Variants in ENOX1 observed in about 807,000 individuals in gnomAD.
ENOX1 encodes the protein ecto-NOX disulfide-thiol exchanger 1.
In ENOX1, 42 loss-of-function variants were observed where a neutral mutation model predicts 82.5. The ratio of observed to expected loss-of-function variants is 0.51; its 90% CI spans 0.40 to 0.66. The LOEUF (loss-of-function observed/expected upper bound fraction) is 0.66. Ranked by LOEUF, ENOX1 falls within the 30% of genes least tolerant of loss-of-function variation. The probability of loss-of-function intolerance (pLI) is 0.00; values close to 1 mark genes in which losing one functional copy is unlikely to be tolerated. For missense variants in ENOX1, 608 were observed against 811.6 expected, an observed-to-expected ratio of 0.75 and a Z score of 3.05; for synonymous variants, 271 against 282.2, an observed-to-expected ratio of 0.96 and a Z score of 0.40.
chr13:43,456,381 A>G (rs2057230478), intron 3 of ENOX1, among the ~76,000 whole-genome samples: 6 of 152,114 alleles, frequency 3.9e-5, no homozygotes. Flanking sequence ...CAAACGATTC[A>G]TTTATATTTA....
intron 14 of ENOX1, among the ~76,000 whole-genome samples, chr13:43,239,947 T>C (rs931755895): frequency 6.6e-6 from 1 of 152,218 alleles, no homozygotes; most frequent in Non-Finnish European, 1.5e-5. Context: ...TTGAACAAGA[T>C]AAGGACAATT....
intron 14 of ENOX1, among the ~76,000 whole-genome samples, chr13:43,253,094 A>G (rs2043548549): frequency 6.6e-6 from 1 of 152,164 alleles, no homozygotes; most frequent in Non-Finnish European, 1.5e-5. Context: ...CATTTCATTA[A>G]GTGTGGATAT....
chr13:43,411,919 A>G lies in ENOX1; in HGVS notation c.205T>C (p.Ser69Pro). Residue 69 changes from serine to proline, a missense_variant, in exon 5 of 17, where the codon TCT becomes CCT. Physicochemically the swap from Ser to Pro is moderately conservative, Grantham distance 74. Transcript: ENST00000690772. ...PVGLPGQQLV[S>P]DSICVPGFDP... is the part of the protein sequence containing the mutation. The stretch of plus-strand genomic sequence containing the variant: ...CTGAAACCAGGAGAAAGCTTACCAG[A>G]CACGAGCTGCTGTCCAGGCAACCCT... 1.2e-6 allele frequency: 2 copies of G among 1,614,168 alleles called. No individual in the cohort carries two copies. Among genetic ancestry groups the G allele is most frequent in the East Asian group, 4.5e-5 (2 of 44,878 alleles).
At chr13:43,522,922 A>G (rs2077833021) in intron 2 of ENOX1, among the ~76,000 whole-genome samples, 1 of 152,198 alleles carries the variant, frequency 6.6e-6, no homozygotes. Context: ...AAAATCCTCA[A>G]TGTGGAAAGT....
chr13:43,434,670 T>C (rs889567259), intron 3 of ENOX1, among the ~76,000 whole-genome samples: 1 of 152,170 alleles, frequency 6.6e-6, no homozygotes, highest in Non-Finnish European at 1.5e-5. Context: ...TAAAAAATGG[T>C]CAAATATTGG....
intron 2 of ENOX1, among the ~76,000 whole-genome samples, chr13:43,487,171 C>CAA (rs79661442): frequency 8.4e-5 from 8 of 95,234 alleles, no homozygotes; most frequent in East Asian, 3.2e-4. Context: ...GACTCTGTCT[C>CAA]AAAAAAAAAA....
Position 43,244,074 on chromosome 13 carries a change from TAAGC to T in ENOX1, c.1612-7340_1612-7337del, listed in dbSNP as rs549450553. On this transcript the variant is annotated intron_variant, in intron 14 of 16. Transcript: ENST00000690772. ...GCCTTCTTTAGACAGTAATCACATC[TAAGC>T]AAGTGAGGCAGAATGGCCGAATGGA... is the stretch of plus-strand genomic sequence containing the variant. Among the ~76,000 whole-genome samples the T allele has an allele frequency of 4.4e-4, 67 of 151,522 alleles. 1 individual carries two copies. Among genetic ancestry groups the T allele is most frequent in the African/African-American group, 1.6e-3 (65 of 41,248 alleles).
chr13:43,410,521 C>G (rs2054058896), intron 5 of ENOX1, among the ~76,000 whole-genome samples: 3 of 151,828 alleles, frequency 2.0e-5, no homozygotes, highest in Non-Finnish European at 4.4e-5. Context: ...TTGTCTCCTA[C>G]TTTCCCTGGT....
Position 43,382,206 on chromosome 13 carries a change from A to T in ENOX1, c.209-20754T>A, listed in dbSNP as rs2052095341. On this transcript the variant is annotated intron_variant, in intron 5 of 16. Transcript: ENST00000690772. ...GATACAAGGTTGGTTTAACATTAAAAAGTAATTCACGTAATTTACCAAAGT... is the reference window on the plus strand; with the variant it reads ...GATACAAGGTTGGTTTAACATTAAATAGTAATTCACGTAATTTACCAAAGT... Among the ~76,000 whole-genome samples, 3 of 152,214 alleles carry T rather than the reference A, an allele frequency of 2.0e-5. No individual in the cohort carries two copies. The South Asian group carries it at 6.2e-4, about 32-fold the overall frequency.
intron 5 of ENOX1, among the ~76,000 whole-genome samples, chr13:43,407,898 A>C (rs2053895947): frequency 6.6e-6 from 1 of 152,260 alleles, no homozygotes; most frequent in Non-Finnish European, 1.5e-5. Context: ...AAACCAAAAC[A>C]AAGTATGGGG....
chr13:43,401,137 T>C lies in ENOX1; in HGVS notation c.208+10779A>G, dbSNP rs188086725. Among the ~76,000 whole-genome samples the C allele has an allele frequency of 1.4e-4, 21 of 152,366 alleles. No individual in the cohort carries two copies. In the East Asian group the frequency reaches 3.9e-3, roughly 28 times the overall value. On this transcript the variant is annotated intron_variant, in intron 5 of 16. Coordinates refer to ENST00000690772, the MANE Select transcript of ENOX1 (RefSeq NM_001347969.2). Reference sequence around the variant, plus strand: ...TTATAGGTTTTATTATTATTCTTTTTAGTGTTCCTAGTAAAGTCACTCATA... The same window carrying C: ...TTATAGGTTTTATTATTATTCTTTTCAGTGTTCCTAGTAAAGTCACTCATA...
intron 3 of ENOX1, among the ~76,000 whole-genome samples, chr13:43,432,583 C>T (rs988009995): frequency 1.3e-5 from 2 of 152,094 alleles, no homozygotes; most frequent in African/African-American, 4.8e-5. Flanking sequence ...GCAGAGGTTG[C>T]AGTGAGCTGA....
intron 14 of ENOX1, among the ~76,000 whole-genome samples, chr13:43,261,580 G>C (rs2044061417): frequency 6.6e-6 from 1 of 151,836 alleles, no homozygotes; most frequent in Non-Finnish European, 1.5e-5. Context: ...CTTTGACTTG[G>C]AACCAACCCA....
intron 2 of ENOX1, among the ~76,000 whole-genome samples, chr13:43,494,428 A>G (rs2076725434): frequency 6.6e-6 from 1 of 152,202 alleles, no homozygotes; most frequent in Admixed American, 6.5e-5. Flanking sequence ...CATTCTTGTT[A>G]AACAAATGAG....
intron 1 of ENOX1, among the ~76,000 whole-genome samples, chr13:43,698,985 G>C (rs2086779391): frequency 6.6e-6 from 1 of 152,232 alleles, no homozygotes; most frequent in African/African-American, 2.4e-5. Flanking sequence ...ATTTCAGACA[G>C]AGAAGCAAAG....
At chr13:43,595,133 C>A (rs560161672) in intron 2 of ENOX1, among the ~76,000 whole-genome samples, 1 of 147,832 alleles carries the variant, frequency 6.8e-6, no homozygotes, top group South Asian at 2.2e-4. Flanking sequence ...GGAGGGAAAG[C>A]GGCATACCTA....
chr13:43,335,212 A>G (rs1001498191), intron 9 of ENOX1, among the ~76,000 whole-genome samples: 1 of 152,208 alleles, frequency 6.6e-6, no homozygotes, highest in Admixed American at 6.5e-5. Flanking sequence ...TTCTCTCCTT[A>G]AATAGAAATC....
intron 2 of ENOX1, among the ~76,000 whole-genome samples, chr13:43,562,668 GAC>G (rs1047526554): frequency 6.6e-6 from 1 of 151,950 alleles, no homozygotes; most frequent in Non-Finnish European, 1.5e-5. Context: ...CACCTATAAA[GAC>G]ACACATAGAT....
chr13:43,600,329 G>C (rs2081651222), intron 2 of ENOX1, among the ~76,000 whole-genome samples: 1 of 152,170 alleles, frequency 6.6e-6, no homozygotes, highest in Non-Finnish European at 1.5e-5. Flanking sequence ...TTCTAGGCTG[G>C]CTGTATCCAC....
Sources: gnomAD v4.1 joint callset for allele counts (sites outside exome capture counted in the v4.1 genomes callset) on GRCh38, gnomAD v4.1.1 for gene constraint, MANE v1.5 for transcripts, NCBI Gene and HGNC (gene_info 2026-07-23, HGNC 2026-07-21) for gene names.